The following ZNF813 variants were observed in gnomAD, a reference collection of about 807,000 sequenced individuals.
ZNF813 encodes zinc finger protein 813.
ZNF813 carries 3 observed loss-of-function variants against 7.2 expected under a neutral mutation model. The observed-to-expected ratio is 0.42, with a 90% CI of 0.19 to 1.08. The LOEUF (loss-of-function observed/expected upper bound fraction) is 1.08. Among genes scored for constraint, ZNF813 ranks in the 50% least tolerant of loss-of-function variants. The pLI is 0.30. For missense variants in ZNF813, 714 were observed against 753.3 expected, an observed-to-expected ratio of 0.95 and a Z score of 0.61; for synonymous variants, 227 against 256.3, an observed-to-expected ratio of 0.89 and a Z score of 1.09.
Position 53,492,860 on chromosome 19 carries a change from C to T in ZNF813, c.*774C>T. 1 of 472,274 alleles carries T rather than the reference C, an allele frequency of 2.1e-6. No individual in the cohort carries two copies. Among genetic ancestry groups the T allele is most frequent in the Non-Finnish European group, 4.3e-6 (1 of 235,200 alleles). The allele number at this position is 472,274 out of a possible 1,614,324, so 29.3% of individuals were successfully genotyped here. On this transcript the variant is annotated 3_prime_UTR_variant, in exon 4 of 4. Transcript: ENST00000396403. The stretch of plus-strand genomic sequence containing the variant: ...TATGCAAAACATAGGAGAATTCATA[C>T]AGGAGAGAAACCTCACGTGTGATGA...
intron 1 of ZNF813, among the ~76,000 whole-genome samples, chr19:53,483,440 G>A (rs1343566846): frequency 6.6e-6 from 1 of 152,076 alleles, no homozygotes; most frequent in African/African-American, 2.4e-5. Context: ...TACGCACCTC[G>A]GCCTCCCAGA....
intron 1 of ZNF813, among the ~76,000 whole-genome samples, chr19:53,475,813 T>A (rs7253946): frequency 6.6e-6 from 1 of 152,128 alleles, no homozygotes; most frequent in Non-Finnish European, 1.5e-5. Context: ...TAGTCATTGT[T>A]TTTTTGTTCA....
rs1434696590 is a variant in ZNF813 at position 53,479,285 on chromosome 19, A to C, written c.-73-4465A>C. The C allele has an allele frequency of 2.1e-6, 3 of 1,461,082 alleles. No homozygotes were observed. In the East Asian group the frequency reaches 6.9e-5, roughly 33 times the overall value. 90.5% of individuals were successfully genotyped at this position (1,461,082 alleles called of 1,614,324 possible). A position where few individuals can be genotyped will look rare whatever the true frequency, so the allele number is the denominator to read the frequency against. ...TCTCTTTTAATACATAATCATGGAGAGGAGGCTGCAATGCCGAATGGAGGA... is the reference window on the plus strand; with the variant it reads ...TCTCTTTTAATACATAATCATGGAGCGGAGGCTGCAATGCCGAATGGAGGA... On this transcript the variant is annotated intron_variant, in intron 1 of 3. Transcript: ENST00000396403.
chr19:53,467,749 C>A lies in ZNF813; in HGVS notation c.-114C>A. 5.5e-6 allele frequency: 1 copy of A among 180,524 alleles called. No homozygotes were observed. Among genetic ancestry groups the A allele is most frequent in the South Asian group, 9.5e-5 (1 of 10,576 alleles). The allele number at this position is 180,524 out of a possible 1,614,324, so 11.2% of individuals were successfully genotyped here. A position where few individuals can be genotyped will look rare whatever the true frequency, so the allele number is the denominator to read the frequency against. On this transcript the variant is annotated 5_prime_UTR_variant, in exon 1 of 4. Coordinates refer to ENST00000396403, the MANE Select transcript of ZNF813 (RefSeq NM_001004301.4). ...GTCCTGCGCGCAGATTCGCGAAAACCCGGAAGCGGATCGCGTGGAGTGACG... is the reference window on the plus strand; with the variant it reads ...GTCCTGCGCGCAGATTCGCGAAAACACGGAAGCGGATCGCGTGGAGTGACG...
chr19:53,468,473 A>ACCG (rs1180710869), intron 1 of ZNF813, among the ~76,000 whole-genome samples: 1 of 152,174 alleles, frequency 6.6e-6, no homozygotes, highest in Admixed American at 6.5e-5. Flanking sequence ...CATACGGAGG[A>ACCG]CCGGCACCAG....
In ZNF813 at chr19:53,493,960, TTCTG is replaced by T. The variant is rs1432891900; in HGVS notation, c.*1878_*1881del. The T allele has an allele frequency of 6.6e-6, 1 of 152,378 alleles. No homozygotes were observed. The highest frequency in any genetic ancestry group is 1.5e-5 in the Non-Finnish European group (1 of 68,054). The allele number at this position is 152,378 out of a possible 1,614,324, so 9.4% of individuals were successfully genotyped here. ...TTCTATTGTTGAGGTAAATTTCCTT[TTCTG>T]TCTATTTTGTTCAGAATTTCTATGA... On this transcript the variant is annotated 3_prime_UTR_variant, in exon 4 of 4. Coordinates refer to ENST00000396403, the MANE Select transcript of ZNF813 (RefSeq NM_001004301.4).
intron 2 of ZNF813, among the ~76,000 whole-genome samples, chr19:53,484,875 A>AT (rs1165630364): frequency 1.1e-4 from 16 of 152,338 alleles, no homozygotes; most frequent in African/African-American, 2.6e-4. Context: ...CCCACCAATT[A>AT]TTATTAAATA....
Position 53,495,650 on chromosome 19 carries a change from A to C in ZNF813, c.*3564A>C, listed in dbSNP as rs1295373200. ...ACATGGTGAAACCCCGTCTCTACTA[A>C]AAATACAAAAATTAGCTGGGTGTGG... On this transcript the variant is annotated 3_prime_UTR_variant, in exon 4 of 4. Coordinates refer to ENST00000396403, the MANE Select transcript of ZNF813 (RefSeq NM_001004301.4). The C allele has an allele frequency of 6.6e-6, 1 of 152,382 alleles. No individual in the cohort carries two copies. Among genetic ancestry groups the C allele is most frequent in the Non-Finnish European group, 1.5e-5 (1 of 68,348 alleles). The allele number at this position is 152,382 out of a possible 1,614,324, so 9.4% of individuals were successfully genotyped here.
At chr19:53,485,584 A>T (rs929242931) in intron 2 of ZNF813, among the ~76,000 whole-genome samples, 1 of 127,044 alleles carries the variant, frequency 7.9e-6, no homozygotes, top group African/African-American at 2.9e-5. Flanking sequence ...GTATGTCATG[A>T]CATATGTATG....
At chr19:53,472,611 CTT>C (rs1166123869) in intron 1 of ZNF813, among the ~76,000 whole-genome samples, 20 of 128,406 alleles carry the variant, frequency 1.6e-4, no homozygotes, top group African/African-American at 1.2e-4. Flanking sequence ...ACAAGTCTTT[CTT>C]TTTTTTTTTT....
chr19:53,490,956 CAATATAA>C lies in ZNF813; in HGVS notation c.726_732del (p.Gln242HisfsTer15). On this transcript the variant is annotated frameshift_variant, in exon 4 of 4. Transcript: ENST00000396403. LOFTEE classifies it low-confidence loss of function (END_TRUNC). The stretch of plus-strand genomic sequence containing the variant: ...TCAAATAATCCATTTAGGAGAGAAA[CAATATAA>C]ATGTGATGTATGTGGCAAGGTCTTT... 1 of 1,614,102 alleles carries C rather than the reference CAATATAA, an allele frequency of 6.2e-7. No individual in the cohort carries two copies. The highest frequency in any genetic ancestry group is 8.5e-7 in the Non-Finnish European group (1 of 1,180,004).
intron 3 of ZNF813, among the ~76,000 whole-genome samples, chr19:53,489,561 C>T (rs929714746): frequency 6.6e-6 from 1 of 151,984 alleles, no homozygotes; most frequent in Non-Finnish European, 1.5e-5. Context: ...AAGATTGGGC[C>T]ATAGCACTCC....
intron 1 of ZNF813, 148 bp downstream of exon 1, chr19:53,467,937 G>A (rs1489218975): frequency 6.6e-6 from 1 of 152,286 alleles, no homozygotes; most frequent in Non-Finnish European, 1.5e-5. Flanking sequence ...GAGAGTCCGG[G>A]GGTCGCTTCC....
chr19:53,475,147 A>G (rs1237829151), intron 1 of ZNF813, among the ~76,000 whole-genome samples: 9 of 152,100 alleles, frequency 5.9e-5, no homozygotes, highest in Admixed American at 2.0e-4. Flanking sequence ...CTCTCTCTTT[A>G]TATATAGTTC....
intron 1 of ZNF813, among the ~76,000 whole-genome samples, chr19:53,477,655 A>AAAAT (rs35287554): frequency 0.78 from 117,646 of 150,246 alleles, 46,574 homozygotes; most frequent in African/African-American, 0.9. Flanking sequence ...CATCTCTGCC[A>AAAAT]AAATAAATAA....
In ZNF813 at chr19:53,492,196, T is replaced by C. The variant is rs1019794579; in HGVS notation, c.*110T>C. 5 of 1,484,360 alleles carry C rather than the reference T, an allele frequency of 3.4e-6. No homozygotes were observed. The highest frequency in any genetic ancestry group is 2.8e-5 in the African/African-American group (2 of 70,914). 91.9% of individuals were successfully genotyped at this position (1,484,360 alleles called of 1,614,324 possible). A position where few individuals can be genotyped will look rare whatever the true frequency, so the allele number is the denominator to read the frequency against. ...AGTCCTTGTAATTCATAAGAATTCA[T>C]ACTGGAGAGAAACAAGTGTAATGAA... On this transcript the variant is annotated 3_prime_UTR_variant, in exon 4 of 4. Transcript: ENST00000396403.
intron 3 of ZNF813, among the ~76,000 whole-genome samples, chr19:53,489,360 T>C (rs1227394645): frequency 1.3e-5 from 2 of 152,064 alleles, no homozygotes; most frequent in African/African-American, 4.8e-5. Flanking sequence ...CCCAGGACTT[T>C]GGGAAGCTGA....
chr19:53,479,551 C>T (rs544381092), intron 1 of ZNF813: 268 of 1,152,644 alleles, frequency 2.3e-4, no homozygotes, highest in East Asian at 2.2e-3. Flanking sequence ...TGCTCAGGAG[C>T]GCCTGGCCAC....
At chr19:53,483,061 C>T (rs2086417040) in intron 1 of ZNF813, among the ~76,000 whole-genome samples, 1 of 152,050 alleles carries the variant, frequency 6.6e-6, no homozygotes, top group Non-Finnish European at 1.5e-5. Flanking sequence ...TACAGACACC[C>T]ACCAAGCCCA....
Sources: allele counts gnomAD v4.1 joint callset (sites outside exome capture counted in the v4.1 genomes callset), GRCh38; gene constraint gnomAD v4.1.1; transcripts MANE v1.5; gene names NCBI Gene and HGNC (gene_info 2026-07-23, HGNC 2026-07-21).